The following ARHGAP26 variants were observed in gnomAD, a reference collection of about 807,000 sequenced individuals.
The protein encoded by ARHGAP26 is Rho GTPase activating protein 26.
A neutral mutation model predicts 104.8 loss-of-function variants in ARHGAP26; 38 were observed. The observed-to-expected ratio is 0.36, with a 90% CI of 0.28 to 0.48. The LOEUF is 0.48. Among genes scored for constraint, ARHGAP26 ranks in the 20% least tolerant of loss-of-function variants. The probability of loss-of-function intolerance (pLI) is 0.99; values close to 1 mark genes in which losing one functional copy is unlikely to be tolerated. For missense variants in ARHGAP26, 704 were observed against 947.9 expected (o/e 0.74, Z 3.38); for synonymous variants, 341 against 340.0 (o/e 1.00, Z -0.03).
At chr5:143,087,095 A>G (rs1423724949) in intron 17 of ARHGAP26, among the ~76,000 whole-genome samples, 1 of 152,208 alleles carries the variant, frequency 6.6e-6, no homozygotes, top group Non-Finnish European at 1.5e-5. Context: ...GGCCTCAAAT[A>G]TACTATGCCT....
chr5:142,963,172 G>GTA (rs58576577), intron 11 of ARHGAP26, among the ~76,000 whole-genome samples: 12,675 of 88,248 alleles, frequency 0.14, 826 homozygotes, highest in Non-Finnish European at 0.19. Flanking sequence ...TGGTATATAT[G>GTA]TATATATATA....
chr5:143,141,837 C>T (rs893111183), intron 19 of ARHGAP26, among the ~76,000 whole-genome samples: 3 of 152,214 alleles, frequency 2.0e-5, no homozygotes, highest in Non-Finnish European at 2.9e-5. Context: ...TCCTCCTTTG[C>T]GGTTTCTGAA....
chr5:142,829,487 C>A (rs373439155), intron 1 of ARHGAP26, among the ~76,000 whole-genome samples: 1 of 152,206 alleles, frequency 6.6e-6, no homozygotes, highest in South Asian at 2.1e-4. Context: ...ATAGTTGTTA[C>A]AATTCTCACC....
chr5:142,775,063 G>A (rs1413441738), intron 1 of ARHGAP26, among the ~76,000 whole-genome samples: 1 of 152,028 alleles, frequency 6.6e-6, no homozygotes, highest in Non-Finnish European at 1.5e-5. Flanking sequence ...TTTATATGTG[G>A]AAATAAGTTT....
At chr5:142,839,742 T>C (rs1239387554) in intron 1 of ARHGAP26, among the ~76,000 whole-genome samples, 1 of 152,184 alleles carries the variant, frequency 6.6e-6, no homozygotes, top group Non-Finnish European at 1.5e-5. Context: ...ATTTTCATTC[T>C]CTGTGCAAAT....
intron 20 of ARHGAP26, among the ~76,000 whole-genome samples, chr5:143,174,257 A>G (rs1173217540): frequency 1.3e-5 from 2 of 152,230 alleles, no homozygotes; most frequent in Admixed American, 6.5e-5. Flanking sequence ...ATGGCATGCT[A>G]CATAGCCACT....
intron 17 of ARHGAP26, among the ~76,000 whole-genome samples, chr5:143,110,555 C>G (rs556020835): frequency 6.6e-6 from 1 of 152,274 alleles, no homozygotes; most frequent in South Asian, 2.1e-4. Context: ...CTTGGTAACA[C>G]CAGACTGGCA....
intron 20 of ARHGAP26, among the ~76,000 whole-genome samples, chr5:143,159,079 A>G (rs1487734833): frequency 6.6e-6 from 1 of 152,228 alleles, no homozygotes; most frequent in African/African-American, 2.4e-5. Context: ...CTGAGAGAAC[A>G]TGAGAGGAAA....
At position 143,222,910 on chromosome 5, in the gene ARHGAP26, C is replaced by A. The variant is rs201434072; in HGVS notation, c.*464C>A. The A allele has an allele frequency of 3.6e-3, 847 of 233,526 alleles. 5 individuals carry two copies. The highest frequency in any genetic ancestry group is 6.2e-3 in the Non-Finnish European group (730 of 118,116). The allele number at this position is 233,526 out of a possible 1,614,324, so 14.5% of individuals were successfully genotyped here. On this transcript the variant is annotated 3_prime_UTR_variant, in exon 23 of 23. Coordinates refer to ENST00000645722, the MANE Select transcript of ARHGAP26 (RefSeq NM_001135608.3). ...TTTACAATAGGCACTCTCTCTACCC[C>A]ACCTCTCAGTACTTGAGACTTAAAG...
At chr5:143,209,835 A>C (rs1809159324) in intron 21 of ARHGAP26, among the ~76,000 whole-genome samples, 1 of 151,790 alleles carries the variant, frequency 6.6e-6, no homozygotes, top group African/African-American at 2.4e-5. Context: ...TGCCCAGATG[A>C]GCACAGACAG....
chr5:143,033,871 T>C lies in ARHGAP26; in HGVS notation c.1145-3325T>C, dbSNP rs118022167. On this transcript the variant is annotated intron_variant, in intron 12 of 22. Coordinates refer to ENST00000645722, the MANE Select transcript of ARHGAP26 (RefSeq NM_001135608.3). Reference sequence around the variant, plus strand: ...TAAAAGGCTTCACCTGACTATTGAATCGTAGTTATAAACATTTTGGGAAAC... The same window carrying C: ...TAAAAGGCTTCACCTGACTATTGAACCGTAGTTATAAACATTTTGGGAAAC... Among the ~76,000 whole-genome samples, 162 of 152,324 alleles carry C rather than the reference T, an allele frequency of 1.1e-3. 4 individuals are homozygous for C. In the East Asian group the frequency reaches 0.031, roughly 29 times the overall value.
intron 1 of ARHGAP26, among the ~76,000 whole-genome samples, chr5:142,838,259 AAG>A (rs1464830175): frequency 2.0e-5 from 3 of 152,202 alleles, no homozygotes; most frequent in African/African-American, 7.2e-5. Flanking sequence ...CTCCATCTAA[AAG>A]AAAAAAAAAA....
At position 142,773,550 on chromosome 5, in the gene ARHGAP26, G is replaced by T. The variant is rs181609405; in HGVS notation, c.154+2635G>T. On this transcript the variant is annotated intron_variant, in intron 1 of 22. Coordinates refer to ENST00000645722, the MANE Select transcript of ARHGAP26 (RefSeq NM_001135608.3). The stretch of plus-strand genomic sequence containing the variant: ...TCTTTATAGATCTAGATCCCGTAAA[G>T]GAGAAACATGCAGCAGGTGCTTGAT... Among the ~76,000 whole-genome samples the T allele has an allele frequency of 4.8e-4, 73 of 152,284 alleles. 2 individuals are homozygous for T. The highest frequency in any genetic ancestry group is 3.5e-3 in the Admixed American group (54 of 15,292).
chr5:142,775,667 A>G (rs1335946874), intron 1 of ARHGAP26, among the ~76,000 whole-genome samples: 2 of 152,182 alleles, frequency 1.3e-5, no homozygotes, highest in African/African-American at 4.8e-5. Flanking sequence ...AGTAACCTCT[A>G]TTCTGCTGTC....
chr5:143,215,621 A>T (rs116122557), intron 22 of ARHGAP26, among the ~76,000 whole-genome samples: 1 of 152,176 alleles, frequency 6.6e-6, no homozygotes, highest in African/African-American at 2.4e-5. Context: ...GTCATGCCCC[A>T]CTTACCACAA....
intron 21 of ARHGAP26, among the ~76,000 whole-genome samples, chr5:143,209,521 C>G (rs1809101884): frequency 6.6e-6 from 1 of 152,156 alleles, no homozygotes; most frequent in South Asian, 2.1e-4. Flanking sequence ...TGGTTCACAG[C>G]TGTAATCCCA....
At chr5:142,916,163 T>A (rs910168875) in intron 10 of ARHGAP26, among the ~76,000 whole-genome samples, 4 of 152,262 alleles carry the variant, frequency 2.6e-5, no homozygotes, top group African/African-American at 9.6e-5. Context: ...ATTTATGTAG[T>A]GACTAGAAAT....
At chr5:142,771,336 C>T (rs867665056) in intron 1 of ARHGAP26, 34 of 1,232,198 alleles carry the variant, frequency 2.8e-5, no homozygotes, top group Middle Eastern at 6.2e-4. Context: ...GAGAATGGAG[C>T]GTGCCCTGCC....
At chr5:142,952,792 C>T (rs1222673621) in intron 11 of ARHGAP26, among the ~76,000 whole-genome samples, 1 of 152,136 alleles carries the variant, frequency 6.6e-6, no homozygotes, top group Admixed American at 6.5e-5. Flanking sequence ...TCACTGCAAC[C>T]TCCGCCTCCC....
Sources: allele counts gnomAD v4.1 joint callset (sites outside exome capture counted in the v4.1 genomes callset), GRCh38; gene constraint gnomAD v4.1.1; transcripts MANE v1.5; gene names NCBI Gene and HGNC (gene_info 2026-07-23, HGNC 2026-07-21).